Variants in SLC45A2 observed in about 807,000 individuals in gnomAD.
The protein encoded by SLC45A2 is solute carrier family 45 member 2.
A neutral mutation model predicts 45.5 loss-of-function variants in SLC45A2; 36 were observed. The ratio of observed to expected loss-of-function variants is 0.79; its 90% confidence interval spans 0.61 to 1.04. The LOEUF (loss-of-function observed/expected upper bound fraction) is 1.04. SLC45A2 is among the 50% of genes least tolerant of loss of function. The pLI is 0.00. For missense variants in SLC45A2, 719 were observed against 671.0 expected (o/e 1.07, Z -0.79); for synonymous variants, 306 against 269.3 (o/e 1.14, Z -1.33).
Position 33,944,883 on chromosome 5 carries a change from A to G in SLC45A2, c.1369-11T>C. On this transcript the variant is annotated splice_polypyrimidine_tract_variant and intron_variant, in intron 6 of 6. Coordinates refer to ENST00000296589, the MANE Select transcript of SLC45A2 (RefSeq NM_016180.5). ...TGGGGCCTGCTGCCTCTGCAAAGGAAGCACAGAACCACCATTTGACCTACA... is the reference window on the plus strand; with the variant it reads ...TGGGGCCTGCTGCCTCTGCAAAGGAGGCACAGAACCACCATTTGACCTACA... 1 of 1,606,122 alleles carries G rather than the reference A, an allele frequency of 6.2e-7. No homozygotes were observed. Among genetic ancestry groups the G allele is most frequent in the Non-Finnish European group, 8.5e-7 (1 of 1,176,270 alleles).
At chr5:33,954,618 G>T in intron 3 of SLC45A2, 114 bp from the exon 4 acceptor site, 2 of 1,457,014 alleles carry the variant, frequency 1.4e-6, no homozygotes, top group Non-Finnish European at 1.9e-6. Context: ...CACACAAAGT[G>T]TCACTTTTCC....
chr5:33,959,408 T>A (rs1476450677), intron 3 of SLC45A2, among the ~76,000 whole-genome samples: 1 of 152,152 alleles, frequency 6.6e-6, no homozygotes, highest in Non-Finnish European at 1.5e-5. Context: ...GGCTTCTTGG[T>A]GAAGGAGAGT....
At chr5:33,954,894 T>C (rs184814744) in intron 3 of SLC45A2, among the ~76,000 whole-genome samples, 1 of 152,308 alleles carries the variant, frequency 6.6e-6, no homozygotes, top group East Asian at 1.9e-4. Context: ...TGTGAGAGCA[T>C]AGTAGGCAAA....
intron 5 of SLC45A2, among the ~76,000 whole-genome samples, chr5:33,948,820 C>T (rs530894225): frequency 6.6e-6 from 1 of 152,326 alleles, no homozygotes; most frequent in South Asian, 2.1e-4. Flanking sequence ...TGTATGCCAG[C>T]AGAGGAGAAG....
At chr5:33,957,123 A>T (rs571305178) in intron 3 of SLC45A2, among the ~76,000 whole-genome samples, 1 of 152,310 alleles carries the variant, frequency 6.6e-6, no homozygotes, top group South Asian at 2.1e-4. Flanking sequence ...TTGAAATACA[A>T]AAAATGATAA....
Position 33,984,626 on chromosome 5 carries a change from G to C in SLC45A2, c.-43C>G. The C allele has an allele frequency of 6.2e-7, 1 of 1,602,196 alleles. No individual in the cohort carries two copies. The highest frequency in any genetic ancestry group is 8.5e-7 in the Non-Finnish European group (1 of 1,179,626). ...CCTTCCTGCGAGCCCACCACCTCCT[G>C]CGTGGTCCTAGGGTCTGTGTTTCAA... On this transcript the variant is annotated 5_prime_UTR_variant, in exon 1 of 7. Coordinates refer to ENST00000296589, the MANE Select transcript of SLC45A2 (RefSeq NM_016180.5).
At chr5:33,969,065 C>CTCTCTCTCTCTCTGTGTGTG in intron 2 of SLC45A2, among the ~76,000 whole-genome samples, 23 of 102,464 alleles carry the variant, frequency 2.2e-4, no homozygotes, top group African/African-American at 8.1e-4. Context: ...CTCTCTCTCT[C>CTCTCTCTCTCTCTGTGTGTG]TGTGTGTGTG....
intron 6 of SLC45A2, chr5:33,946,506 T>A: frequency 4.1e-6 from 4 of 985,518 alleles, no homozygotes; most frequent in Non-Finnish European, 4.8e-6. Context: ...AGGTGGTAAT[T>A]TTAGAGTGGA....
At chr5:33,947,117 G>T (rs968259118) in intron 6 of SLC45A2, 46 bp downstream of exon 6, 1 of 1,614,058 alleles carries the variant, frequency 6.2e-7, no homozygotes, top group Non-Finnish European at 8.5e-7. Flanking sequence ...CCAGCCTTCA[G>T]ATGAGTCTGG....
At chr5:33,973,243 G>A (rs1027004068) in intron 2 of SLC45A2, among the ~76,000 whole-genome samples, 1 of 152,158 alleles carries the variant, frequency 6.6e-6, no homozygotes, top group African/African-American at 2.4e-5. Context: ...TGAGAGTTGT[G>A]TTGATCCCAT....
rs1265226036 is a variant in SLC45A2, at chr5:33,971,006, G to A, written c.563-6990C>T. On this transcript the variant is annotated intron_variant, in intron 2 of 6. Coordinates refer to ENST00000296589, the MANE Select transcript of SLC45A2 (RefSeq NM_016180.5). ...TGAAAAGTCTGAAAATGATCTGAAG[G>A]CCCTAAAAAGTGTTGGGCAGATTGT... 1.6e-5 allele frequency: 8 copies of A among 499,072 alleles called. No homozygotes were observed. The East Asian group carries it at 4.7e-4, about 29-fold the overall frequency. The allele number at this position is 499,072 out of a possible 1,614,324, so 30.9% of individuals were successfully genotyped here.
intron 5 of SLC45A2, among the ~76,000 whole-genome samples, chr5:33,950,365 C>T (rs1752063053): frequency 6.6e-6 from 1 of 152,106 alleles, no homozygotes; most frequent in Non-Finnish European, 1.5e-5. Flanking sequence ...AGTTTGCACA[C>T]TCGAAGAGGA....
Position 33,954,622 on chromosome 5 carries a change from C to T in SLC45A2, c.889-118G>A, listed in dbSNP as rs867704005. On this transcript the variant is annotated intron_variant, in intron 3 of 6. Transcript: ENST00000296589. ...CAGTCAGCCATCACACAAAGTGTCA[C>T]TTTTCCTGGACATGGAACTAGGTTT... 3.6e-5 allele frequency: 51 copies of T among 1,419,472 alleles called. 1 individual carries two copies. In the South Asian group the frequency reaches 3.7e-4, roughly 10 times the overall value. The allele number at this position is 1,419,472 out of a possible 1,614,324, so 87.9% of individuals were successfully genotyped here.
At position 33,944,809 on chromosome 5, in the gene SLC45A2, T is replaced by C; in HGVS notation, c.1432A>G (p.Thr478Ala). Residue 478 changes from threonine (T) to alanine (A), a missense_variant, in exon 7 of 7, where the codon ACC becomes GCC. Coordinates refer to ENST00000296589, the MANE Select transcript of SLC45A2 (RefSeq NM_016180.5). ...GCCAGCTGCACCATGCATGTGAGGG[T>C]GGCGCAGTCCATGCCCTTCCCTCTC... ...SVRGKGMDCA[T>A]LTCMVQLAQI... 6.2e-7 allele frequency: 1 copy of C among 1,614,100 alleles called. No homozygotes were observed. Among genetic ancestry groups the C allele is most frequent in the Non-Finnish European group, 8.5e-7 (1 of 1,179,998 alleles).
chr5:33,951,218 C>G (rs1561356589), intron 5 of SLC45A2, among the ~76,000 whole-genome samples: 1 of 152,176 alleles, frequency 6.6e-6, no homozygotes. Context: ...TGAAATGCTA[C>G]CAATGATCTT....
At chr5:33,945,043 C>T (rs981164237) in intron 6 of SLC45A2, among the ~76,000 whole-genome samples, 171 bp from the exon 7 acceptor site, 4 of 152,200 alleles carry the variant, frequency 2.6e-5, no homozygotes, top group Non-Finnish European at 5.9e-5. Flanking sequence ...AAAGCAGGGG[C>T]AATGTGGAGC....
At chr5:33,975,807 G>C (rs1227658932) in intron 2 of SLC45A2, among the ~76,000 whole-genome samples, 1 of 152,144 alleles carries the variant, frequency 6.6e-6, no homozygotes, top group African/African-American at 2.4e-5. Context: ...GAAACAAGCA[G>C]AGCTCTGGGA....
intron 2 of SLC45A2, among the ~76,000 whole-genome samples, chr5:33,969,716 C>T (rs1405529755): frequency 2.0e-5 from 3 of 152,104 alleles, no homozygotes; most frequent in East Asian, 1.9e-4. Flanking sequence ...CCTTAGGCGG[C>T]GATGGTCTTG....
At position 33,984,131 on chromosome 5, in the gene SLC45A2, T is replaced by C. The variant is rs1579564146; in HGVS notation, c.385+68A>G. The C allele has an allele frequency of 6.9e-6, 11 of 1,600,700 alleles. No homozygotes were observed. In the Middle Eastern group the frequency reaches 4.9e-4, roughly 72 times the overall value. On this transcript the variant is annotated intron_variant, in intron 1 of 6. Transcript: ENST00000296589. ...CTAGGAAAGGTCAAACACATGAACA[T>C]CCTCCTCCTGCAGAGGTACACACTA...
Sources: gnomAD v4.1 joint callset for allele counts (sites outside exome capture counted in the v4.1 genomes callset) on GRCh38, gnomAD v4.1.1 for gene constraint, MANE v1.5 for transcripts, NCBI Gene and HGNC (gene_info 2026-07-23, HGNC 2026-07-21) for gene names.